KDM4C: variants seen among roughly 807,000 people sequenced by gnomAD.
KDM4C encodes the protein lysine demethylase 4C.
Under a neutral mutation model 129.3 loss-of-function variants are expected in KDM4C, and 81 were observed. That is an observed-to-expected ratio of 0.63 (90% CI 0.52 to 0.75). The LOEUF (loss-of-function observed/expected upper bound fraction) is 0.75, where lower values mean the gene tolerates loss of function less well. Ranked by LOEUF, KDM4C falls within the 30% of genes least tolerant of loss-of-function variation. The pLI, the probability that KDM4C is intolerant of heterozygous loss-of-function variation, is 0.00. For synonymous variants in KDM4C, 573 were observed against 456.1 expected, an observed-to-expected ratio of 1.26 and a Z score of -3.26; for missense variants, 1,457 against 1,304.0, an observed-to-expected ratio of 1.12 and a Z score of -1.81.
intron 12 of KDM4C, among the ~76,000 whole-genome samples, chr9:6,995,914 C>A (rs924497972): frequency 1.3e-5 from 2 of 152,156 alleles, no homozygotes; most frequent in East Asian, 1.9e-4. Flanking sequence ...GTGATCTGCC[C>A]ACCTCGGCCT....
At chr9:6,776,647 C>G (rs1452054173) in intron 1 of KDM4C, among the ~76,000 whole-genome samples, 1 of 146,852 alleles carries the variant, frequency 6.8e-6, no homozygotes, top group Non-Finnish European at 1.5e-5. Context: ...TCTTTTTGAC[C>G]AGGCTGGAGT....
intron 17 of KDM4C, among the ~76,000 whole-genome samples, chr9:7,091,185 T>A (rs1320598166): frequency 1.3e-5 from 2 of 152,182 alleles, no homozygotes; most frequent in Admixed American, 1.3e-4. Context: ...TGGTTTTCAA[T>A]GGAAACTTTC....
intron 8 of KDM4C, among the ~76,000 whole-genome samples, chr9:6,916,828 G>A (rs972055468): frequency 6.6e-6 from 1 of 152,118 alleles, no homozygotes; most frequent in Non-Finnish European, 1.5e-5. Context: ...CCTTTGAATA[G>A]GTTCTATTTT....
At chr9:6,743,264 T>C (rs1223146268) in intron 1 of KDM4C, among the ~76,000 whole-genome samples, 6 of 152,158 alleles carry the variant, frequency 3.9e-5, no homozygotes, top group Non-Finnish European at 5.9e-5. Context: ...GCTTTACCCC[T>C]TCAACGACAT....
intron 15 of KDM4C, among the ~76,000 whole-genome samples, chr9:7,033,248 G>A (rs1000380523): frequency 6.6e-6 from 1 of 151,906 alleles, no homozygotes; most frequent in African/African-American, 2.4e-5. Context: ...TAAAACTAGT[G>A]GAAAAAGAAA....
chr9:6,804,323 A>T (rs2131006459), intron 2 of KDM4C, among the ~76,000 whole-genome samples: 1 of 152,284 alleles, frequency 6.6e-6, no homozygotes, highest in Admixed American at 6.5e-5. Context: ...GTAGGTTCAG[A>T]TTGGCCATGG....
At chr9:6,852,792 C>T (rs753378189) in intron 5 of KDM4C, among the ~76,000 whole-genome samples, 9 of 152,162 alleles carry the variant, frequency 5.9e-5, no homozygotes, top group South Asian at 2.1e-4. Context: ...AGACTGCCTA[C>T]GATTCCCTCC....
intron 18 of KDM4C, chr9:7,105,509 T>C (rs759502602): frequency 6.4e-6 from 3 of 468,078 alleles, no homozygotes; most frequent in South Asian, 4.7e-5. Flanking sequence ...ACGTGAGTAG[T>C]GTTTTTCCTG....
At chr9:6,850,569 C>A (rs1480232526) in intron 5 of KDM4C, among the ~76,000 whole-genome samples, 1 of 151,702 alleles carries the variant, frequency 6.6e-6, no homozygotes, top group Non-Finnish European at 1.5e-5. Flanking sequence ...CCTTAGCCAC[C>A]CAAGTATCTG....
At chr9:7,114,714 T>C (rs1194177134) in intron 18 of KDM4C, among the ~76,000 whole-genome samples, 4 of 152,292 alleles carry the variant, frequency 2.6e-5, no homozygotes, top group African/African-American at 9.6e-5. Context: ...TGCTCTGTTT[T>C]ATGCTTGGCT....
intron 2 of KDM4C, among the ~76,000 whole-genome samples, chr9:6,800,679 C>T (rs541726607): frequency 4.6e-5 from 7 of 152,024 alleles, no homozygotes; most frequent in Non-Finnish European, 5.9e-5. Context: ...CAGGCTGGAG[C>T]GCAGTGGTGT....
At chr9:6,872,150 G>C (rs889615447) in intron 5 of KDM4C, among the ~76,000 whole-genome samples, 4 of 152,260 alleles carry the variant, frequency 2.6e-5, no homozygotes, top group African/African-American at 9.6e-5. Flanking sequence ...AAGAAGGTTG[G>C]AGTTAAATTG....
intron 18 of KDM4C, among the ~76,000 whole-genome samples, chr9:7,122,132 G>C (rs1348084304): frequency 6.6e-6 from 1 of 152,004 alleles, no homozygotes; most frequent in Non-Finnish European, 1.5e-5. Context: ...TGTATAGGAA[G>C]CATGGATGGG....
chr9:7,101,611 C>T (rs193117925), intron 17 of KDM4C, among the ~76,000 whole-genome samples: 95 of 152,260 alleles, frequency 6.2e-4, no homozygotes, highest in Admixed American at 1.6e-3. Flanking sequence ...TGGAATAGGG[C>T]AAGTCCCTCC....
chr9:6,760,593 C>G (rs942430612), intron 1 of KDM4C, among the ~76,000 whole-genome samples: 1 of 148,638 alleles, frequency 6.7e-6, no homozygotes, highest in Non-Finnish European at 1.5e-5. Flanking sequence ...TTTTTTGAGA[C>G]GAAGTCTCAC....
At chr9:6,971,210 G>A (rs1179425059) in intron 8 of KDM4C, among the ~76,000 whole-genome samples, 2 of 152,072 alleles carry the variant, frequency 1.3e-5, no homozygotes, top group African/African-American at 4.8e-5. Context: ...ATACAAATGT[G>A]GAGCTTTTTT....
intron 15 of KDM4C, among the ~76,000 whole-genome samples, chr9:7,025,887 A>G (rs868487096): frequency 8.7e-4 from 133 of 152,232 alleles, no homozygotes; most frequent in African/African-American, 3.2e-3. Flanking sequence ...CTTATTACTC[A>G]TCAACTTCCT....
Position 7,010,973 on chromosome 9 carries a change from G to A in KDM4C, c.1787-725G>A, listed in dbSNP as rs1822575005. Among the ~76,000 whole-genome samples, 3 of 152,184 alleles carry A rather than the reference G, an allele frequency of 2.0e-5. No homozygotes were observed. The South Asian group carries it at 6.2e-4, about 32-fold the overall frequency. On this transcript the variant is annotated intron_variant, in intron 12 of 21. Transcript: ENST00000381309. Reference sequence around the variant, plus strand: ...GCGGTACAATGGCTTGAACCCTGGAGGCGGTGGTTGCAGTGAGCTGAGATT... The same window carrying A: ...GCGGTACAATGGCTTGAACCCTGGAAGCGGTGGTTGCAGTGAGCTGAGATT...
chr9:6,943,570 G>C (rs939642016), intron 8 of KDM4C, among the ~76,000 whole-genome samples: 2 of 152,036 alleles, frequency 1.3e-5, no homozygotes, highest in African/African-American at 4.8e-5. Context: ...GGCTACTTGG[G>C]AGGCTGAGGT....
Sources: allele counts gnomAD v4.1 joint callset (sites outside exome capture counted in the v4.1 genomes callset), GRCh38; gene constraint gnomAD v4.1.1; transcripts MANE v1.5; gene names NCBI Gene and HGNC (gene_info 2026-07-23, HGNC 2026-07-21).